Variants in NDUFAF5 observed in about 807,000 individuals in gnomAD.
NDUFAF5 encodes arginine-hydroxylase NDUFAF5, mitochondrial.
NDUFAF5 carries 34 observed loss-of-function variants against 48.9 expected under a neutral mutation model. The ratio of observed to expected loss-of-function variants is 0.70; its 90% confidence interval spans 0.53 to 0.93. The LOEUF is 0.93. Among genes scored for constraint, NDUFAF5 ranks in the 40% least tolerant of loss-of-function variants. The pLI is 0.00. For synonymous variants in NDUFAF5, 153 were observed against 150.6 expected, an observed-to-expected ratio of 1.02 and a Z score of -0.12; for missense variants, 428 against 427.5, an observed-to-expected ratio of 1.00 and a Z score of -0.01.
chr20:13,797,452 T>G (rs917561605), intron 5 of NDUFAF5, among the ~76,000 whole-genome samples: 1 of 152,212 alleles, frequency 6.6e-6, no homozygotes, highest in Non-Finnish European at 1.5e-5. Flanking sequence ...GGAGGAAACT[T>G]AAATGCGTAT....
chr20:13,817,786 C>T lies in NDUFAF5; in HGVS notation c.*576C>T. ...TTAAAGAATACCAGAAGTAGAATCA[C>T]ATGTAACAGTCTCTGCACAGTCATC... On this transcript the variant is annotated 3_prime_UTR_variant, in exon 11 of 11. Transcript: ENST00000378106. The T allele has an allele frequency of 4.4e-6, 2 of 454,086 alleles. No homozygotes were observed. Among genetic ancestry groups the T allele is most frequent in the Non-Finnish European group, 4.4e-6 (1 of 226,792 alleles). 28.1% of individuals were successfully genotyped at this position (454,086 alleles called of 1,614,324 possible). A position where few individuals can be genotyped will look rare whatever the true frequency, so the allele number is the denominator to read the frequency against.
Position 13,801,415 on chromosome 20 carries a change from C to T in NDUFAF5, c.520-71C>T, listed in dbSNP as rs533048358. The stretch of plus-strand genomic sequence containing the variant: ...TTGTCATAAAATGTTAATTTAGACA[C>T]TATATATTTATTTTTTAACATTTAT... On this transcript the variant is annotated intron_variant, in intron 6 of 10. Transcript: ENST00000378106. The T allele has an allele frequency of 2.8e-5, 27 of 951,466 alleles. 1 individual carries two copies. The South Asian group carries it at 4.7e-4, about 17-fold the overall frequency. The allele number at this position is 951,466 out of a possible 1,614,324, so 58.9% of individuals were successfully genotyped here.
rs199543540 is a variant in NDUFAF5, at chr20:13,801,633, A to C, written c.667A>C (p.Asn223His). The C allele has an allele frequency of 4.5e-5, 73 of 1,614,092 alleles. No individual in the cohort carries two copies. The East Asian group carries it at 1.5e-3, about 34-fold the overall frequency. ...ACACATTTCTCCTTTCACTGCTGTCAATGACCTGGGACATCTGCTTGGGAG... is the reference window on the plus strand; with the variant it reads ...ACACATTTCTCCTTTCACTGCTGTCCATGACCTGGGACATCTGCTTGGGAG... ...SPHISPFTAV[N>H]DLGHLLGRAG... The change falls in exon 7 of 11, where the codon AAT becomes CAT. Residue 223 changes from asparagine to histidine, a missense_variant. Asn to His is a moderately conservative substitution (Grantham distance 68). Transcript: ENST00000378106.
At chr20:13,808,230 CA>C (rs1985358624) in intron 7 of NDUFAF5, among the ~76,000 whole-genome samples, 2 of 152,098 alleles carry the variant, frequency 1.3e-5, no homozygotes, top group African/African-American at 4.8e-5. Context: ...TGGGAAGTGT[CA>C]AGGAGCACCT....
chr20:13,797,033 T>G (rs1983342529), intron 5 of NDUFAF5, among the ~76,000 whole-genome samples: 2 of 152,174 alleles, frequency 1.3e-5, no homozygotes, highest in African/African-American at 4.8e-5. Flanking sequence ...TGGTTTTTGT[T>G]TGTTTTTATC....
At chr20:13,794,426 C>T (rs1199261307) in intron 4 of NDUFAF5, among the ~76,000 whole-genome samples, 3 of 152,108 alleles carry the variant, frequency 2.0e-5, no homozygotes, top group Non-Finnish European at 4.4e-5. Context: ...ATTACAGGTG[C>T]GTGCCACCAC....
Position 13,785,308 on chromosome 20 carries a change from C to A in NDUFAF5, c.222+18C>A. The A allele has an allele frequency of 6.4e-7, 1 of 1,570,396 alleles. No homozygotes were observed. The highest frequency in any genetic ancestry group is 8.7e-7 in the Non-Finnish European group (1 of 1,151,918). On this transcript the variant is annotated intron_variant, in intron 1 of 10. Coordinates refer to ENST00000378106, the MANE Select transcript of NDUFAF5 (RefSeq NM_024120.5). ...AGGAGGAGGTGAGCCCGCGGGGCGG[C>A]GGGGCGGCGGGGCGGGCGACGCGGA... is the stretch of plus-strand genomic sequence containing the variant.
intron 3 of NDUFAF5, 100 bp from the exon 4 acceptor site, chr20:13,793,080 A>G: frequency 6.9e-6 from 9 of 1,312,000 alleles, no homozygotes; most frequent in African/African-American, 2.9e-5. Context: ...ACCTTTACAA[A>G]GCTGAAAATT....
intron 8 of NDUFAF5, among the ~76,000 whole-genome samples, chr20:13,811,773 G>C (rs567700500): frequency 6.6e-6 from 1 of 152,154 alleles, no homozygotes; most frequent in African/African-American, 2.4e-5. Context: ...TTCAACTTGC[G>C]TCCTTTGTGG....
At chr20:13,796,149 A>G (rs2147522581) in intron 5 of NDUFAF5, among the ~76,000 whole-genome samples, 2 of 152,326 alleles carry the variant, frequency 1.3e-5, no homozygotes, top group Middle Eastern at 6.8e-3. Flanking sequence ...TAGGGTGACC[A>G]GTCATCAAGG....
intron 1 of NDUFAF5, among the ~76,000 whole-genome samples, chr20:13,786,265 G>C (rs958924961): frequency 1.3e-5 from 2 of 152,126 alleles, no homozygotes; most frequent in African/African-American, 2.4e-5. Context: ...TGATTGACAG[G>C]GTGTCTTTCT....
chr20:13,800,423 GT>G (rs1983947479), intron 6 of NDUFAF5, among the ~76,000 whole-genome samples: 1 of 152,160 alleles, frequency 6.6e-6, no homozygotes, highest in African/African-American at 2.4e-5. Flanking sequence ...TTGGATTCTG[GT>G]TTACTTCAGA....
intron 9 of NDUFAF5, 25 bp downstream of exon 9, chr20:13,816,571 C>A: frequency 1.3e-6 from 2 of 1,586,052 alleles, no homozygotes; most frequent in Non-Finnish European, 1.7e-6. Flanking sequence ...CTCTTTCACC[C>A]GCCTCACCAA....
chr20:13,812,396 A>T (rs914862120), intron 8 of NDUFAF5, among the ~76,000 whole-genome samples: 2 of 152,224 alleles, frequency 1.3e-5, no homozygotes, highest in African/African-American at 4.8e-5. Flanking sequence ...GTAATCAAGG[A>T]GCCACTTTAT....
intron 1 of NDUFAF5, 44 bp downstream of exon 1, chr20:13,785,334 G>A: frequency 6.5e-7 from 1 of 1,527,702 alleles, no homozygotes; most frequent in Non-Finnish European, 8.9e-7. Flanking sequence ...GCGACGCGGA[G>A]GCTTGTTTTC....
intron 6 of NDUFAF5, 120 bp downstream of exon 6, chr20:13,798,620 G>A (rs936013524): frequency 1.3e-5 from 11 of 816,862 alleles, no homozygotes; most frequent in Middle Eastern, 2.5e-4. Context: ...GAAAGAAATC[G>A]GTGAAATCAT....
intron 2 of NDUFAF5, among the ~76,000 whole-genome samples, chr20:13,787,968 A>G (rs186956511): frequency 6.6e-6 from 1 of 152,256 alleles, no homozygotes; most frequent in East Asian, 1.9e-4. Flanking sequence ...TAGAGGAGAC[A>G]GCATGGCATG....
rs750697911 is a variant in NDUFAF5 at position 13,817,103 on chromosome 20, CTTTATTAT to C, written c.946-11_946-4del. Reference sequence around the variant, plus strand: ...TCTATCTATTTCTAATATCTTTAATCTTTATTATTTTCAGGCAAGACCAGCTGAAAGAG... The same window carrying C: ...TCTATCTATTTCTAATATCTTTAATCTTTCAGGCAAGACCAGCTGAAAGAG... On this transcript the variant is annotated splice_polypyrimidine_tract_variant and splice_region_variant and intron_variant, in intron 10 of 10. Transcript: ENST00000378106. The C allele has an allele frequency of 3.1e-6, 5 of 1,610,484 alleles. No individual in the cohort carries two copies. In the South Asian group the frequency reaches 4.4e-5, roughly 14 times the overall value.
rs565930378 is a variant in NDUFAF5 at position 13,817,625 on chromosome 20, A to C, written c.*415A>C. On this transcript the variant is annotated 3_prime_UTR_variant, in exon 11 of 11. Coordinates refer to ENST00000378106, the MANE Select transcript of NDUFAF5 (RefSeq NM_024120.5). ...GGTTTTAGAATTTAGAAGAGCATGT[A>C]TCTTTATTAAATCCCTCCTCAACTC... is the stretch of plus-strand genomic sequence containing the variant. 2 of 455,158 alleles carry C rather than the reference A, an allele frequency of 4.4e-6. No homozygotes were observed. Among genetic ancestry groups the C allele is most frequent in the Non-Finnish European group, 8.8e-6 (2 of 227,548 alleles). The allele number at this position is 455,158 out of a possible 1,614,324, so 28.2% of individuals were successfully genotyped here.
Sources: gnomAD v4.1 joint callset for allele counts (sites outside exome capture counted in the v4.1 genomes callset) on GRCh38, gnomAD v4.1.1 for gene constraint, MANE v1.5 for transcripts, NCBI Gene and HGNC (gene_info 2026-07-23, HGNC 2026-07-21) for gene names.